Variants in SRC observed in about 807,000 individuals in gnomAD.
The protein encoded by SRC is proto-oncogene tyrosine-protein kinase Src.
Under a neutral mutation model 62.9 loss-of-function variants are expected in SRC, and 13 were observed. That is an observed-to-expected ratio of 0.21 (90% CI 0.13 to 0.33). SRC has a LOEUF of 0.33. Among genes scored for constraint, SRC ranks in the 10% least tolerant of loss-of-function variants. SRC has a pLI of 1.00. For synonymous variants in SRC, 302 were observed against 317.5 expected, an observed-to-expected ratio of 0.95 and a Z score of 0.52; for missense variants, 457 against 737.3, an observed-to-expected ratio of 0.62 and a Z score of 4.40.
rs752315328 is a variant in SRC at position 37,396,337 on chromosome 20, G to GCGGAGGT, written c.703+29_703+30insAGGTCGG. The GCGGAGGT allele has an allele frequency of 8.7e-6, 14 of 1,610,762 alleles. No homozygotes were observed. Among genetic ancestry groups the GCGGAGGT allele is most frequent in the Admixed American group, 1.7e-5 (1 of 60,008 alleles). ...GTGAGCCAGCCTCGGAGGGCGGAGGGCGGGCGGGCAAAGCCTCAGCTGCAG... is the reference window on the plus strand; with the variant it reads ...GTGAGCCAGCCTCGGAGGGCGGAGGGCGGAGGTCGGGCGGGCAAAGCCTCAGCTGCAG... On this transcript the variant is annotated intron_variant, in intron 8 of 13. Transcript: ENST00000373578. The surrounding 1 kb of genome is among the most constrained non-coding windows in gnomAD (Gnocchi z 6.1).
rs2070680976 is a variant in SRC at position 37,397,890 on chromosome 20, AC to A, written c.859+42del. On this transcript the variant is annotated intron_variant, in intron 9 of 13. Coordinates refer to ENST00000373578, the MANE Select transcript of SRC (RefSeq NM_198291.3). This position sits in a 1 kb window ranked among gnomAD's most constrained non-coding sequence, Gnocchi z 4.1. ...GCCCCTGCCCTCGGGAGAGGCATCC[AC>A]CCCCCACCCCGTGTGGCAGCTCCGG... 3.2e-6 allele frequency: 5 copies of A among 1,574,660 alleles called. No individual in the cohort carries two copies. Among genetic ancestry groups the A allele is most frequent in the Admixed American group, 1.8e-5 (1 of 55,724 alleles).
At chr20:37,370,009 A>C (rs1038836859) in intron 2 of SRC, among the ~76,000 whole-genome samples, 1 of 152,116 alleles carries the variant, frequency 6.6e-6, no homozygotes, top group Non-Finnish European at 1.5e-5. Flanking sequence ...CATGTTGGCC[A>C]CACTGGTCTC....
intron 2 of SRC, among the ~76,000 whole-genome samples, chr20:37,377,222 T>C (rs2070291783): frequency 6.6e-6 from 1 of 152,252 alleles, no homozygotes; most frequent in South Asian, 2.1e-4. Flanking sequence ...GTGTGCTGTT[T>C]GTCATGCACT....
chr20:37,390,389 T>C (rs1251968894), intron 5 of SRC, among the ~76,000 whole-genome samples: 1 of 100,922 alleles, frequency 9.9e-6, no homozygotes, highest in Non-Finnish European at 2.1e-5. Context: ...CTGATCTGGC[T>C]TTTTTTTTTT....
chr20:37,394,616 CA>C (rs971138425), intron 7 of SRC, among the ~76,000 whole-genome samples: 2 of 152,132 alleles, frequency 1.3e-5, no homozygotes, highest in African/African-American at 4.8e-5. Context: ...TCCTCTTCCC[CA>C]GGGGTCCCTG....
At chr20:37,385,238 G>A (rs2070436207) in intron 4 of SRC, among the ~76,000 whole-genome samples, 1 of 152,224 alleles carries the variant, frequency 6.6e-6, no homozygotes, top group Non-Finnish European at 1.5e-5. Context: ...ACACACAGGT[G>A]CATCGAGAAC....
At position 37,369,330 on chromosome 20, in the gene SRC, A is replaced by T. The variant is rs536213949; in HGVS notation, c.-173+4053A>T. Among the ~76,000 whole-genome samples, 58 of 152,186 alleles carry T rather than the reference A, an allele frequency of 3.8e-4. No individual in the cohort carries two copies. The South Asian group carries it at 3.9e-3, about 10-fold the overall frequency. On this transcript the variant is annotated intron_variant, in intron 2 of 13. Coordinates refer to ENST00000373578, the MANE Select transcript of SRC (RefSeq NM_198291.3). ...GGGATGTCTTTCCATTTCTTTCAAA[A>T]TTTTTTTGTAGTTTTCGGAGTATAA... is the stretch of plus-strand genomic sequence containing the variant.
In SRC at chr20:37,398,662, G is replaced by C. The variant is rs1344745767; in HGVS notation, c.859+808G>C. ...GGCTGTCCGGGAAGGGGAGGCGTGG[G>C]CTTTGAGCTGGTGAGAGGGGAGAGG... On this transcript the variant is annotated intron_variant, in intron 9 of 13. Transcript: ENST00000373578. This position sits in a 1 kb window ranked among gnomAD's most constrained non-coding sequence, Gnocchi z 5.2. 6.6e-6 allele frequency among the ~76,000 whole-genome samples: 1 copy of C among 152,256 alleles called. No individual in the cohort carries two copies. Among genetic ancestry groups the C allele is most frequent in the Non-Finnish European group, 1.5e-5 (1 of 68,036 alleles).
At position 37,384,365 on chromosome 20, in the gene SRC, A is replaced by C; in HGVS notation, c.212A>C (p.Asp71Ala). ...PKLFGGFNSS[D>A]TVTSPQRAGP... Reference sequence around the variant, plus strand: ...CTGTTCGGAGGCTTCAACTCCTCGGACACCGTCACCTCCCCGCAGAGGGCG... The same window carrying C: ...CTGTTCGGAGGCTTCAACTCCTCGGCCACCGTCACCTCCCCGCAGAGGGCG... Residue 71 changes from aspartate (D) to alanine (A), a missense_variant, in exon 4 of 14, where the codon GAC becomes GCC. Asp to Ala is a moderately radical substitution (Grantham distance 126). Coordinates refer to ENST00000373578, the MANE Select transcript of SRC (RefSeq NM_198291.3). This position sits in a 1 kb window ranked among gnomAD's most constrained non-coding sequence, Gnocchi z 6.7. 2.1e-6 allele frequency: 3 copies of C among 1,461,536 alleles called. No homozygotes were observed. Among genetic ancestry groups the C allele is most frequent in the Non-Finnish European group, 2.7e-6 (3 of 1,111,912 alleles). The allele number at this position is 1,461,536 out of a possible 1,614,324, so 90.5% of individuals were successfully genotyped here.
rs1037458354 is a variant in SRC, at chr20:37,398,408, G to A, written c.859+554G>A. ...TCCACCGGATGCTTTCTGCTCACAC[G>A]GAGGGACCGGAGGCCAGGGTGGAGG... On this transcript the variant is annotated intron_variant, in intron 9 of 13. Transcript: ENST00000373578. The surrounding 1 kb of genome is among the most constrained non-coding windows in gnomAD (Gnocchi z 5.2). Among the ~76,000 whole-genome samples, 3 of 152,222 alleles carry A rather than the reference G, an allele frequency of 2.0e-5. No homozygotes were observed. The highest frequency in any genetic ancestry group is 4.8e-5 in the African/African-American group (2 of 41,454).
Position 37,402,343 on chromosome 20 carries a change from A to G in SRC, c.1117-92A>G. 2.0e-6 allele frequency: 3 copies of G among 1,477,734 alleles called. No homozygotes were observed. The highest frequency in any genetic ancestry group is 1.3e-5 in the South Asian group (1 of 79,052). The allele number at this position is 1,477,734 out of a possible 1,614,324, so 91.5% of individuals were successfully genotyped here. A position where few individuals can be genotyped will look rare whatever the true frequency, so the allele number is the denominator to read the frequency against. ...TGAAGAAGTGTGGGGAGGGTGGGGAAGGGGTGGTTGGCTCTCCAGCCCCAG... is the reference window on the plus strand; with the variant it reads ...TGAAGAAGTGTGGGGAGGGTGGGGAGGGGGTGGTTGGCTCTCCAGCCCCAG... On this transcript the variant is annotated intron_variant, in intron 11 of 13. Coordinates refer to ENST00000373578, the MANE Select transcript of SRC (RefSeq NM_198291.3). The surrounding 1 kb of genome is among the most constrained non-coding windows in gnomAD (Gnocchi z 6.2).
chr20:37,383,852 C>A, intron 3 of SRC: 1 of 358,186 alleles, frequency 2.8e-6, no homozygotes, highest in Middle Eastern at 8.1e-4. Flanking sequence ...CTGCCTCACC[C>A]TCCGGAGTAG....
At chr20:37,352,280 T>C (rs541238199) in intron 1 of SRC, among the ~76,000 whole-genome samples, 1 of 152,302 alleles carries the variant, frequency 6.6e-6, no homozygotes, top group South Asian at 2.1e-4. Context: ...ATGATATTTA[T>C]GAGTGCCTGT....
chr20:37,402,357 C>G lies in SRC; in HGVS notation c.1117-78C>G. Reference sequence around the variant, plus strand: ...GAGGGTGGGGAAGGGGTGGTTGGCTCTCCAGCCCCAGAGTGCTCTGTGGCC... The same window carrying G: ...GAGGGTGGGGAAGGGGTGGTTGGCTGTCCAGCCCCAGAGTGCTCTGTGGCC... On this transcript the variant is annotated intron_variant, in intron 11 of 13. Coordinates refer to ENST00000373578, the MANE Select transcript of SRC (RefSeq NM_198291.3). The surrounding 1 kb of genome is among the most constrained non-coding windows in gnomAD (Gnocchi z 6.2). The G allele has an allele frequency of 6.4e-7, 1 of 1,550,798 alleles. No individual in the cohort carries two copies. Among genetic ancestry groups the G allele is most frequent in the Non-Finnish European group, 8.7e-7 (1 of 1,147,406 alleles).
chr20:37,399,345 C>T (rs1036333682), intron 9 of SRC, among the ~76,000 whole-genome samples: 10 of 152,096 alleles, frequency 6.6e-5, no homozygotes, highest in Admixed American at 5.9e-4. Context: ...CCAGAGGTGA[C>T]CTCTTGTTCT....
intron 1 of SRC, among the ~76,000 whole-genome samples, chr20:37,353,806 C>T (rs2069842186): frequency 2.0e-5 from 3 of 152,204 alleles, no homozygotes; most frequent in Non-Finnish European, 4.4e-5. Flanking sequence ...GCCCTCCAGC[C>T]CTCCCCACAG....
At chr20:37,362,286 C>T (rs2069987122) in intron 1 of SRC, among the ~76,000 whole-genome samples, 1 of 151,796 alleles carries the variant, frequency 6.6e-6, no homozygotes, top group South Asian at 2.1e-4. Flanking sequence ...GTCTCAAACT[C>T]TTGGCCTCAA....
intron 2 of SRC, among the ~76,000 whole-genome samples, chr20:37,381,078 A>T (rs1247009416): frequency 6.6e-6 from 1 of 152,120 alleles, no homozygotes; most frequent in Non-Finnish European, 1.5e-5. Context: ...CAAACCAGGG[A>T]GTCTGCTCCA....
At chr20:37,381,072 C>T (rs1047443447) in intron 2 of SRC, among the ~76,000 whole-genome samples, 10 of 152,116 alleles carry the variant, frequency 6.6e-5, no homozygotes, top group Non-Finnish European at 1.5e-4. Flanking sequence ...AGGATTCAAA[C>T]CAGGGAGTCT....
Sources: gnomAD v4.1 joint callset for allele counts (sites outside exome capture counted in the v4.1 genomes callset) on GRCh38, gnomAD v4.1.1 for gene constraint, Gnocchi (gnomAD v3.1) non-coding constraint, MANE v1.5 for transcripts, NCBI Gene and HGNC (gene_info 2026-07-23, HGNC 2026-07-21) for gene names.